SLC18A1: variants seen among roughly 807,000 people sequenced by gnomAD.
SLC18A1 encodes solute carrier family 18 member A1, also known as chromaffin granule amine transporter.
In SLC18A1, 69 loss-of-function variants were observed where a neutral mutation model predicts 53.7. The observed-to-expected ratio is 1.28, with a 90% CI of 1.06 to 1.57. SLC18A1 has a LOEUF of 1.57. SLC18A1 is among the 40% of genes most tolerant of loss of function. SLC18A1 has a pLI of 0.00. For missense variants in SLC18A1, 932 were observed against 668.1 expected, an observed-to-expected ratio of 1.40 and a Z score of -4.35; for synonymous variants, 320 against 248.1, an observed-to-expected ratio of 1.29 and a Z score of -2.72.
chr8:20,180,549 G>A (rs67315468), intron 2 of SLC18A1, among the ~76,000 whole-genome samples: 1 of 152,038 alleles, frequency 6.6e-6, no homozygotes. Context: ...AGAAGACAGT[G>A]TGGGGAGAAA....
chr8:20,154,759 T>C (rs558518077), intron 10 of SLC18A1, among the ~76,000 whole-genome samples: 1 of 152,256 alleles, frequency 6.6e-6, no homozygotes, highest in Admixed American at 6.5e-5. Flanking sequence ...GAGCTCTGTT[T>C]TCACTCTATT....
At chr8:20,181,136 G>A in intron 1 of SLC18A1, 49 bp from the exon 2 acceptor site, 1 of 607,802 alleles carries the variant, frequency 1.6e-6, no homozygotes, top group Non-Finnish European at 2.8e-6. Context: ...GATGATATTT[G>A]GAAACATCTC....
intron 8 of SLC18A1, among the ~76,000 whole-genome samples, chr8:20,166,085 A>ATTTGT (rs2071950452): frequency 6.6e-6 from 1 of 151,922 alleles, no homozygotes; most frequent in Non-Finnish European, 1.5e-5. Context: ...TTAAAAGTAC[A>ATTTGT]ATAAACCCTT....
intron 8 of SLC18A1, among the ~76,000 whole-genome samples, chr8:20,169,591 A>G (rs2072058666): frequency 6.6e-6 from 1 of 152,164 alleles, no homozygotes; most frequent in Admixed American, 6.5e-5. Context: ...AGAAAGAGAG[A>G]GAATGGGCTG....
intron 8 of SLC18A1, 140 bp downstream of exon 8, chr8:20,170,963 C>T (rs7841346): frequency 1.3e-6 from 1 of 778,972 alleles, no homozygotes; most frequent in Non-Finnish European, 2.1e-6. Flanking sequence ...GTAACCCTAT[C>T]CTGGAATCCA....
chr8:20,178,828 C>A (rs1789793989), intron 3 of SLC18A1, among the ~76,000 whole-genome samples: 1 of 152,142 alleles, frequency 6.6e-6, no homozygotes, highest in South Asian at 2.1e-4. Flanking sequence ...CCCATTCATA[C>A]CCTTTTCCCA....
rs1434289723 is a variant in SLC18A1 at position 20,179,244 on chromosome 8, T to C, written c.365A>G (p.Lys122Arg). The change falls in exon 3 of 16, where the codon AAA becomes AGA. Residue 122 changes from lysine to arginine, a missense_variant. By Grantham distance (26) the Lys-to-Arg change is conservative (BLOSUM62 2). Coordinates refer to ENST00000276373, the MANE Select transcript of SLC18A1 (RefSeq NM_003053.4). ...PPATEAISAH[K>R]NNCLQGTGFL... ...ACCTGTGCCTTGCAAGCAGTTGTTT[T>C]TATGAGCTGAGATGGCTTCAGTGGC... The C allele has an allele frequency of 6.2e-7, 1 of 1,614,160 alleles. No individual in the cohort carries two copies. Among genetic ancestry groups the C allele is most frequent in the Non-Finnish European group, 8.5e-7 (1 of 1,180,038 alleles).
intron 1 of SLC18A1, among the ~76,000 whole-genome samples, chr8:20,182,793 T>C (rs2072462833): frequency 6.6e-6 from 1 of 152,196 alleles, no homozygotes; most frequent in South Asian, 2.1e-4. Context: ...CATTTCTCTA[T>C]ATAAAGGAGG....
At position 20,150,550 on chromosome 8, in the gene SLC18A1, G is replaced by C. The variant is rs1229006337; in HGVS notation, c.1094+116C>G. 4 of 900,774 alleles carry C rather than the reference G, an allele frequency of 4.4e-6. No individual in the cohort carries two copies. In the African/African-American group the frequency reaches 6.5e-5, roughly 15 times the overall value. The allele number at this position is 900,774 out of a possible 1,614,324, so 55.8% of individuals were successfully genotyped here. On this transcript the variant is annotated intron_variant, in intron 11 of 15. Transcript: ENST00000276373. Reference sequence around the variant, plus strand: ...CTCCCAGTGGGAAGTTTTTATCGGTGTGTACTCATCCTAAACTTTCAACCG... The same window carrying C: ...CTCCCAGTGGGAAGTTTTTATCGGTCTGTACTCATCCTAAACTTTCAACCG...
intron 10 of SLC18A1, among the ~76,000 whole-genome samples, chr8:20,153,304 G>A (rs765744582): frequency 1.3e-5 from 2 of 152,192 alleles, no homozygotes; most frequent in Non-Finnish European, 2.9e-5. Flanking sequence ...TTTTTGGCAA[G>A]TGACAAGCCC....
intron 10 of SLC18A1, among the ~76,000 whole-genome samples, chr8:20,158,508 C>T (rs1260965514): frequency 6.6e-6 from 1 of 152,100 alleles, no homozygotes; most frequent in East Asian, 1.9e-4. Flanking sequence ...GAAGAATGCC[C>T]GTCCCGTTCA....
At chr8:20,170,145 C>CT in intron 8 of SLC18A1, among the ~76,000 whole-genome samples, 1 of 152,298 alleles carries the variant, frequency 6.6e-6, no homozygotes, top group South Asian at 2.1e-4. Context: ...AGGACCCAGA[C>CT]ATCCTACTCC....
chr8:20,163,193 G>A (rs1405383779), intron 10 of SLC18A1, among the ~76,000 whole-genome samples: 1 of 152,166 alleles, frequency 6.6e-6, no homozygotes, highest in Non-Finnish European at 1.5e-5. Context: ...ACACATGAGA[G>A]AGATGTAAAG....
intron 8 of SLC18A1, among the ~76,000 whole-genome samples, chr8:20,169,639 G>A (rs1205696194): frequency 6.6e-6 from 1 of 152,126 alleles, no homozygotes; most frequent in African/African-American, 2.4e-5. Flanking sequence ...AGCACTTTGG[G>A]AGGCTGAGGC....
rs367713018 is a variant in SLC18A1 at position 20,179,497 on chromosome 8, G to C, written c.125-13C>G. 1.0e-5 allele frequency: 16 copies of C among 1,597,992 alleles called. No individual in the cohort carries two copies. The highest frequency in any genetic ancestry group is 1.7e-5 in the Admixed American group (1 of 59,440). The stretch of plus-strand genomic sequence containing the variant: ...GGCACAATTGGCACTGAAAGTCAAA[G>C]AGGACAGGTGATGGGGGCTAAGGAC... On this transcript the variant is annotated splice_polypyrimidine_tract_variant and intron_variant, in intron 2 of 15. Transcript: ENST00000276373.
At chr8:20,156,829 G>T (rs1487257805) in intron 10 of SLC18A1, among the ~76,000 whole-genome samples, 1 of 152,148 alleles carries the variant, frequency 6.6e-6, no homozygotes, top group East Asian at 1.9e-4. Flanking sequence ...TGACTCAAAG[G>T]GTTACCTACA....
intron 2 of SLC18A1, among the ~76,000 whole-genome samples, chr8:20,180,056 CT>C (rs1192254491): frequency 6.6e-6 from 1 of 151,402 alleles, no homozygotes; most frequent in Non-Finnish European, 1.5e-5. Flanking sequence ...TTCTTTTTCT[CT>C]TTTATAAAGA....
chr8:20,180,967 T>A lies in SLC18A1; in HGVS notation c.-3A>T. ...GCATCCAGAATGGTCCGGAGCATGG[T>A]GATGGCCGGACTGGGGCAGTCTTCC... On this transcript the variant is annotated 5_prime_UTR_variant, in exon 2 of 16. Coordinates refer to ENST00000276373, the MANE Select transcript of SLC18A1 (RefSeq NM_003053.4). The A allele has an allele frequency of 1.3e-6, 2 of 1,563,618 alleles. No homozygotes were observed. The highest frequency in any genetic ancestry group is 1.4e-5 in the African/African-American group (1 of 73,462).
At chr8:20,169,632 A>G (rs1256728787) in intron 8 of SLC18A1, among the ~76,000 whole-genome samples, 1 of 152,176 alleles carries the variant, frequency 6.6e-6, no homozygotes, top group East Asian at 1.9e-4. Context: ...CAATCCCAGC[A>G]CTTTGGGAGG....
Sources: gnomAD v4.1 joint callset for allele counts (sites outside exome capture counted in the v4.1 genomes callset) on GRCh38, gnomAD v4.1.1 for gene constraint, MANE v1.5 for transcripts, NCBI Gene and HGNC (gene_info 2026-07-23, HGNC 2026-07-21) for gene names.